Variants in PTPRG observed in about 807,000 individuals in gnomAD.
PTPRG encodes the protein protein tyrosine phosphatase receptor type G.
A neutral mutation model predicts 165.3 loss-of-function variants in PTPRG; 102 were observed. That is an observed-to-expected ratio of 0.62 (90% CI 0.53 to 0.73). The LOEUF (loss-of-function observed/expected upper bound fraction) is 0.73. PTPRG is among the 30% of genes least tolerant of loss of function. The pLI, the probability that PTPRG is intolerant of heterozygous loss-of-function variation, is 0.00. For synonymous variants in PTPRG, 675 were observed against 669.5 expected (o/e 1.01, Z -0.13); for missense variants, 1,866 against 1,861.4 (o/e 1.00, Z -0.05).
chr3:62,246,673 C>T (rs1012882921), intron 15 of PTPRG, among the ~76,000 whole-genome samples: 1 of 152,032 alleles, frequency 6.6e-6, no homozygotes, highest in African/African-American at 2.4e-5. Flanking sequence ...TGGAGACCTC[C>T]ATGGAATCAT....
intron 5 of PTPRG, among the ~76,000 whole-genome samples, chr3:62,125,799 C>T (rs1045177813): frequency 2.6e-5 from 4 of 151,818 alleles, no homozygotes; most frequent in Non-Finnish European, 4.4e-5. Context: ...TTTACCTCTC[C>T]GGTTCAGGAG....
At chr3:62,212,070 G>A (rs1380721161) in intron 12 of PTPRG, among the ~76,000 whole-genome samples, 1 of 151,952 alleles carries the variant, frequency 6.6e-6, no homozygotes, top group African/African-American at 2.4e-5. Flanking sequence ...GAGAAAGAAC[G>A]GCTGTGGGGA....
intron 1 of PTPRG, among the ~76,000 whole-genome samples, chr3:61,607,868 A>G (rs1278214109): frequency 6.6e-6 from 1 of 152,178 alleles, no homozygotes; most frequent in Non-Finnish European, 1.5e-5. Context: ...ACTGGACGCG[A>G]CTTGCCTCTT....
At position 62,203,150 on chromosome 3, in the gene PTPRG, C is replaced by G; in HGVS notation, c.1378-23C>G. On this transcript the variant is annotated intron_variant, in intron 11 of 29. Transcript: ENST00000474889. This position sits in a 1 kb window ranked among gnomAD's most constrained non-coding sequence, Gnocchi z 6.4. ...TTTTCTTCTTCTGCCTCTTTTCCAC[C>G]CTTGCCGGGTGACCCTTTCCAGCCC... 3.2e-6 allele frequency: 5 copies of G among 1,544,596 alleles called. No individual in the cohort carries two copies. The highest frequency in any genetic ancestry group is 4.4e-6 in the Non-Finnish European group (5 of 1,144,504).
intron 2 of PTPRG, among the ~76,000 whole-genome samples, chr3:61,815,825 G>T (rs1036345391): frequency 6.6e-6 from 1 of 152,200 alleles, no homozygotes; most frequent in African/African-American, 2.4e-5. Context: ...ATATAGGAAT[G>T]AATACAGCAG....
intron 5 of PTPRG, among the ~76,000 whole-genome samples, chr3:62,092,060 A>C (rs993538483): frequency 3.7e-5 from 5 of 136,732 alleles, no homozygotes; most frequent in Admixed American, 1.5e-4. Context: ...CCCCTTATAC[A>C]TGGACACACA....
At chr3:62,073,698 C>A (rs1011933452) in intron 4 of PTPRG, among the ~76,000 whole-genome samples, 2 of 152,126 alleles carry the variant, frequency 1.3e-5, no homozygotes, top group African/African-American at 4.8e-5. Context: ...CCAGGCTGGT[C>A]TCAAACTCCT....
intron 1 of PTPRG, among the ~76,000 whole-genome samples, chr3:61,581,607 TTC>T (rs1700295967): frequency 1.1e-5 from 1 of 93,088 alleles, no homozygotes; most frequent in African/African-American, 5.9e-5. Context: ...GCTTCTTTTT[TTC>T]TTTTTTTTTT....
At chr3:61,656,444 T>G (rs1423897416) in intron 1 of PTPRG, among the ~76,000 whole-genome samples, 1 of 152,174 alleles carries the variant, frequency 6.6e-6, no homozygotes, top group Non-Finnish European at 1.5e-5. Context: ...TAACCAGGAA[T>G]GCATTTTAAG....
chr3:61,818,474 A>G (rs1354040302), intron 2 of PTPRG, among the ~76,000 whole-genome samples: 3 of 152,164 alleles, frequency 2.0e-5, no homozygotes, highest in East Asian at 3.8e-4. Flanking sequence ...GAGAAATATA[A>G]TAATGAAAAA....
At chr3:61,765,221 G>A (rs1304133165) in intron 2 of PTPRG, among the ~76,000 whole-genome samples, 4 of 152,188 alleles carry the variant, frequency 2.6e-5, no homozygotes, top group Admixed American at 1.3e-4. Flanking sequence ...TTAAAGAGTA[G>A]AAATGGAAAG....
Position 62,210,578 on chromosome 3 carries a change from T to A in PTPRG, c.2155+6628T>A, listed in dbSNP as rs1399086250. Among the ~76,000 whole-genome samples, 1 of 152,194 alleles carries A rather than the reference T, an allele frequency of 6.6e-6. No homozygotes were observed. Among genetic ancestry groups the A allele is most frequent in the East Asian group, 1.9e-4 (1 of 5,192 alleles). On this transcript the variant is annotated intron_variant, in intron 12 of 29. Coordinates refer to ENST00000474889, the MANE Select transcript of PTPRG (RefSeq NM_002841.4). The surrounding 1 kb of genome is among the most constrained non-coding windows in gnomAD (Gnocchi z 4.1). ...AGCAGTTCTACTTCTGGGTATACACTTGACCCTTGAAAAACAGTCTTGAAC... is the reference window on the plus strand; with the variant it reads ...AGCAGTTCTACTTCTGGGTATACACATGACCCTTGAAAAACAGTCTTGAAC...
At chr3:61,839,691 A>C (rs1203682529) in intron 2 of PTPRG, among the ~76,000 whole-genome samples, 1 of 152,254 alleles carries the variant, frequency 6.6e-6, no homozygotes, top group Non-Finnish European at 1.5e-5. Context: ...CACATGTTCC[A>C]TATAGAGAAT....
intron 1 of PTPRG, among the ~76,000 whole-genome samples, chr3:61,684,263 C>G (rs1029131450): frequency 1.6e-4 from 24 of 152,174 alleles, no homozygotes; most frequent in Non-Finnish European, 3.5e-4. Context: ...ACCTTTGTTT[C>G]CACATCAGTA....
chr3:61,798,240 G>A (rs2035116535), intron 2 of PTPRG, among the ~76,000 whole-genome samples: 1 of 152,146 alleles, frequency 6.6e-6, no homozygotes, highest in Admixed American at 6.5e-5. Context: ...GATGATTGTG[G>A]AAAGAAAATA....
At position 62,229,574 on chromosome 3, in the gene PTPRG, T is replaced by G. The variant is rs576993994; in HGVS notation, c.2289-1651T>G. ...TTAGGGAAGCGGTGGGTGGGTAAAT[T>G]TTTAAACCAAGCTTACTTTTCAGGA... On this transcript the variant is annotated intron_variant, in intron 13 of 29. Transcript: ENST00000474889. The surrounding 1 kb of genome is among the most constrained non-coding windows in gnomAD (Gnocchi z 4.6). 6.6e-6 allele frequency among the ~76,000 whole-genome samples: 1 copy of G among 152,236 alleles called. No individual in the cohort carries two copies. Among genetic ancestry groups the G allele is most frequent in the South Asian group, 2.1e-4 (1 of 4,822 alleles).
intron 10 of PTPRG, among the ~76,000 whole-genome samples, chr3:62,196,184 C>A (rs760397137): frequency 2.0e-5 from 3 of 151,276 alleles, no homozygotes; most frequent in Non-Finnish European, 2.9e-5. Context: ...ATCAGGAGAT[C>A]AGTTCGAGAC....
At chr3:62,289,001 T>C (rs984287125) in intron 28 of PTPRG, among the ~76,000 whole-genome samples, 7 of 152,164 alleles carry the variant, frequency 4.6e-5, no homozygotes, top group African/African-American at 7.2e-5. Flanking sequence ...TACTAATAAA[T>C]GTTTAAGCCT....
chr3:62,171,912 G>GGA (rs1705231852), intron 8 of PTPRG, among the ~76,000 whole-genome samples: 1 of 152,052 alleles, frequency 6.6e-6, no homozygotes, highest in Non-Finnish European at 1.5e-5. Context: ...TGCCCTGTAT[G>GGA]TCCCTCCCTC....
Sources: gnomAD v4.1 joint callset for allele counts (sites outside exome capture counted in the v4.1 genomes callset) on GRCh38, gnomAD v4.1.1 for gene constraint, Gnocchi (gnomAD v3.1) non-coding constraint, MANE v1.5 for transcripts, NCBI Gene and HGNC (gene_info 2026-07-23, HGNC 2026-07-21) for gene names.